GON4L: variants seen among roughly 807,000 people sequenced by gnomAD.
GON4L encodes gon-4 like.
GON4L carries 87 observed loss-of-function variants against 211.8 expected under a neutral mutation model. The observed-to-expected ratio is 0.41, with a 90% CI of 0.35 to 0.49. GON4L has a LOEUF of 0.49. GON4L is among the 20% of genes least tolerant of loss of function. The pLI is 0.15. For missense variants in GON4L, 2,155 were observed against 2,659.5 expected (o/e 0.81, Z 4.17); for synonymous variants, 875 against 962.6 (o/e 0.91, Z 1.68).
At chr1:155,836,771 C>A (rs1273668970) in intron 2 of GON4L, among the ~76,000 whole-genome samples, 1 of 152,164 alleles carries the variant, frequency 6.6e-6, no homozygotes, top group Admixed American at 6.6e-5. Context: ...TTCTAATGAC[C>A]AGTCATTTTA....
At chr1:155,756,679 C>G in intron 27 of GON4L, 1 of 363,230 alleles carries the variant, frequency 2.8e-6, no homozygotes, top group Non-Finnish European at 5.2e-6. Flanking sequence ...AATCCCAGCA[C>G]TTTGGGAGGC....
upstream of GON4L, chr1:155,859,422 T>C: frequency 4.3e-6 from 1 of 232,968 alleles, no homozygotes; most frequent in Non-Finnish European, 8.6e-6. Flanking sequence ...GGGCGAGGGC[T>C]GACTTCCGTA....
In GON4L at chr1:155,751,825, G is replaced by A; in HGVS notation, c.6518C>T (p.Ala2173Val). The A allele has an allele frequency of 1.2e-6, 2 of 1,613,728 alleles. No individual in the cohort carries two copies. The highest frequency in any genetic ancestry group is 1.7e-6 in the Non-Finnish European group (2 of 1,179,690). Residue 2173 changes from alanine to valine, a missense_variant, in exon 31 of 32, where the codon GCA becomes GTA. Physicochemically the swap from Ala to Val is moderately conservative, Grantham distance 64. Coordinates refer to ENST00000368331, the MANE Select transcript of GON4L (RefSeq NM_001282860.2). The part of the protein sequence containing the change: ...VILTMCQEQG[A>V]QPQTFNIISQ... The stretch of plus-strand genomic sequence containing the variant: ...GATGATGTTGAAGGTCTGTGGCTGT[G>A]CCCCTTGCTCCTGGCACATGGTGAG...
chr1:155,748,532 G>A, downstream of GON4L: 12 of 1,613,894 alleles, frequency 7.4e-6, no homozygotes, highest in Non-Finnish European at 1.0e-5. Flanking sequence ...TGGGAAAAAG[G>A]TATGAAGCTT....
At position 155,765,376 on chromosome 1, in the gene GON4L, C is replaced by G; in HGVS notation, c.4097G>C (p.Ser1366Thr). ...LDTGAPSEEL[S>T]SAGEVTKQTV... ...CTGTTTCGTTACTTCTCCAGCACTG[C>G]TCAACTCCTCGCTTGGGGCACCAGT... is the stretch of plus-strand genomic sequence containing the variant. The change falls in exon 21 of 32, where the codon AGC (serine) becomes ACC (threonine). Residue 1366 changes from serine (S) to threonine (T), a missense_variant. This residue lies in a region of GON4L where 615 missense variants were observed against 625.7 expected (regional missense o/e 0.98). Transcript: ENST00000368331. 1.2e-6 allele frequency: 2 copies of G among 1,614,172 alleles called. No individual in the cohort carries two copies. The highest frequency in any genetic ancestry group is 8.5e-7 in the Non-Finnish European group (1 of 1,180,006).
intron 2 of GON4L, among the ~76,000 whole-genome samples, chr1:155,839,650 C>CAA (rs76003215): frequency 3.2e-5 from 2 of 61,720 alleles, no homozygotes; most frequent in Admixed American, 1.8e-4. Context: ...GACTCTGTCT[C>CAA]AAAAAAAAAA....
At chr1:155,752,672 T>G (rs1475059626) in intron 29 of GON4L, 82 bp from the exon 30 acceptor site, 1 of 1,543,716 alleles carries the variant, frequency 6.5e-7, no homozygotes, top group Non-Finnish European at 8.8e-7. Flanking sequence ...GGCCAGGTAC[T>G]GTGCAAAAAT....
upstream of GON4L, among the ~76,000 whole-genome samples, chr1:155,858,088 C>T (rs976106951): frequency 6.6e-6 from 1 of 152,180 alleles, no homozygotes; most frequent in East Asian, 1.9e-4. Flanking sequence ...TATTAAGTCT[C>T]CTAACTCTAG....
At position 155,814,357 on chromosome 1, in the gene GON4L, T is replaced by C. The variant is rs1285851285; in HGVS notation, c.1254A>G (p.Thr418=). ...CTGATAATATGCCACTCTCCTCATC[T>C]GTTTCAGTCATCTCAGAAGACTGCC... is the stretch of plus-strand genomic sequence containing the variant. The part of the protein sequence containing the change: ...RLRQSSEMTE[T]DEESGILSEA... The change falls in exon 9 of 32, where the codon ACA becomes ACG. Residue 418 remains threonine, a synonymous_variant. Transcript: ENST00000368331. The C allele has an allele frequency of 1.2e-6, 2 of 1,613,684 alleles. No individual in the cohort carries two copies. Among genetic ancestry groups the C allele is most frequent in the East Asian group, 2.2e-5 (1 of 44,886 alleles).
chr1:155,801,870 G>A (rs943431160), intron 11 of GON4L, among the ~76,000 whole-genome samples: 4 of 151,892 alleles, frequency 2.6e-5, no homozygotes, highest in African/African-American at 4.8e-5. Flanking sequence ...GCGACAGAGC[G>A]AGACTCTGTC....
At chr1:155,799,247 C>T (rs765344598) in intron 11 of GON4L, among the ~76,000 whole-genome samples, 7 of 152,282 alleles carry the variant, frequency 4.6e-5, no homozygotes, top group Non-Finnish European at 8.8e-5. Flanking sequence ...CCAGCCTGAC[C>T]AATATGGTGA....
rs1660663761 is a variant in GON4L at position 155,752,105 on chromosome 1, C to T, written c.6328G>A (p.Ala2110Thr). The T allele has an allele frequency of 3.1e-6, 5 of 1,613,488 alleles. No homozygotes were observed. In the African/African-American group the frequency reaches 6.7e-5, roughly 22 times the overall value. The change falls in exon 30 of 32, where the codon GCC (alanine) becomes ACC (threonine). Residue 2110 changes from alanine to threonine, a missense_variant. Ala to Thr is a moderately conservative substitution (Grantham distance 58). This residue lies in a region of GON4L where 186 missense variants were observed against 308.1 expected (regional missense o/e 0.60). Coordinates refer to ENST00000368331, the MANE Select transcript of GON4L (RefSeq NM_001282860.2). ...GIDTSETSPK[A>T]PRGGLAKDSG... ...TCTTTAGCCAAACCCCCTCTAGGGG[C>T]TTTGGGAGAAGTCTCTGAGGTGTCA...
intron 10 of GON4L, among the ~76,000 whole-genome samples, chr1:155,811,321 G>A (rs778105097): frequency 6.8e-6 from 1 of 147,688 alleles, no homozygotes; most frequent in Non-Finnish European, 1.5e-5. Context: ...GAACCTGGGA[G>A]GCGGAGCTTG....
chr1:155,810,120 C>G (rs1286383031), intron 10 of GON4L, among the ~76,000 whole-genome samples: 1 of 150,254 alleles, frequency 6.7e-6, no homozygotes, highest in Non-Finnish European at 1.5e-5. Flanking sequence ...CGCAGCCTCC[C>G]GAGTAGCTGG....
intron 19 of GON4L, among the ~76,000 whole-genome samples, chr1:155,768,817 A>G (rs937465993): frequency 3.9e-5 from 6 of 152,056 alleles, no homozygotes; most frequent in African/African-American, 7.2e-5. Flanking sequence ...TTTGGCTCCA[A>G]TGTTTTGAAA....
At chr1:155,800,739 C>A (rs1294585843) in intron 11 of GON4L, among the ~76,000 whole-genome samples, 2 of 151,194 alleles carry the variant, frequency 1.3e-5, no homozygotes, top group Non-Finnish European at 2.9e-5. Flanking sequence ...GTAGTCCCAG[C>A]TACTCTGGAG....
downstream of GON4L, chr1:155,745,799 A>AGGCGCGGCGGC: frequency 1.6e-6 from 1 of 608,182 alleles, no homozygotes; most frequent in East Asian, 2.7e-5. Flanking sequence ...GGCGCGGCTG[A>AGGCGCGGCGGC]GGCGCGGCGG....
At chr1:155,848,875 C>T (rs1207825991) in intron 2 of GON4L, among the ~76,000 whole-genome samples, 3 of 152,170 alleles carry the variant, frequency 2.0e-5, no homozygotes, top group Admixed American at 6.6e-5. Flanking sequence ...AGGTCGGGCG[C>T]GGTGGCTCAC....
intron 2 of GON4L, among the ~76,000 whole-genome samples, chr1:155,843,794 T>C (rs1000091600): frequency 1.3e-5 from 2 of 152,110 alleles, no homozygotes; most frequent in Non-Finnish European, 2.9e-5. Context: ...ATCACCCCCA[T>C]TGGAACCTGG....
Sources: gnomAD v4.1 joint callset for allele counts (sites outside exome capture counted in the v4.1 genomes callset) on GRCh38, gnomAD v4.1.1 for gene constraint, gnomAD v4.1.1 regional missense constraint, MANE v1.5 for transcripts, NCBI Gene and HGNC (gene_info 2026-07-23, HGNC 2026-07-21) for gene names.